The following GORAB variants were observed in gnomAD, a reference collection of about 807,000 sequenced individuals.
GORAB encodes golgin, RAB6 interacting.
Under a neutral mutation model 29.9 loss-of-function variants are expected in GORAB, and 17 were observed. That is an observed-to-expected ratio of 0.57 (90% CI 0.39 to 0.85). The LOEUF (loss-of-function observed/expected upper bound fraction) is 0.85, where lower values mean the gene tolerates loss of function less well. Among genes scored for constraint, GORAB ranks in the 40% least tolerant of loss-of-function variants. The pLI is 0.00. For synonymous variants in GORAB, 183 were observed against 157.2 expected (o/e 1.16, Z -1.23); for missense variants, 442 against 437.8 (o/e 1.01, Z -0.09).
intron 3 of GORAB, 159 bp from the exon 4 acceptor site, chr1:170,544,546 A>G (rs1649635685): frequency 1.8e-6 from 1 of 556,192 alleles, no homozygotes; most frequent in Admixed American, 3.3e-5. Flanking sequence ...TCAAATGTTA[A>G]CCAGCTTTTA....
chr1:170,545,268 C>G, intron 4 of GORAB: 2 of 986,384 alleles, frequency 2.0e-6, no homozygotes, highest in Non-Finnish European at 2.4e-6. Context: ...GGATTGAAGT[C>G]TAGTCCTCAC....
At chr1:170,537,879 C>G (rs1367752407) in intron 1 of GORAB, among the ~76,000 whole-genome samples, 1 of 152,056 alleles carries the variant, frequency 6.6e-6, no homozygotes, top group Non-Finnish European at 1.5e-5. Flanking sequence ...AAGTTACTAC[C>G]TGAATTTCAG....
At chr1:170,533,159 G>C (rs1281574400) in intron 1 of GORAB, among the ~76,000 whole-genome samples, 3 of 152,210 alleles carry the variant, frequency 2.0e-5, no homozygotes, top group African/African-American at 7.2e-5. Flanking sequence ...TATTTTGGTA[G>C]CAAATGAAGT....
intron 2 of GORAB, 146 bp downstream of exon 2, chr1:170,539,713 T>A (rs1216683167): frequency 1.2e-5 from 10 of 844,220 alleles, no homozygotes; most frequent in Non-Finnish European, 1.8e-5. Flanking sequence ...TATAAACTAT[T>A]GAAAAATAGC....
At chr1:170,550,406 G>A (rs1393839168) in intron 4 of GORAB, among the ~76,000 whole-genome samples, 1 of 152,214 alleles carries the variant, frequency 6.6e-6, no homozygotes, top group East Asian at 1.9e-4. Context: ...AAGCTGAAAT[G>A]AGAGAAAATG....
chr1:170,546,735 A>G (rs1160096617), intron 4 of GORAB, among the ~76,000 whole-genome samples: 2 of 151,988 alleles, frequency 1.3e-5, no homozygotes, highest in East Asian at 1.9e-4. Context: ...CCCAGGCTGG[A>G]GTGCAGTGGT....
chr1:170,551,194 A>G (rs1650083726), intron 4 of GORAB, among the ~76,000 whole-genome samples: 1 of 152,196 alleles, frequency 6.6e-6, no homozygotes, highest in African/African-American at 2.4e-5. Flanking sequence ...TGGTTGTCAT[A>G]AATTTTGGGA....
At chr1:170,532,425 G>A in intron 1 of GORAB, 141 bp downstream of exon 1, 2 of 902,214 alleles carry the variant, frequency 2.2e-6, no homozygotes, top group East Asian at 2.4e-5. Context: ...GACTGGATTA[G>A]GGGGTTTCAG....
At chr1:170,549,578 A>G (rs142128325) in intron 4 of GORAB, among the ~76,000 whole-genome samples, 96 of 152,286 alleles carry the variant, frequency 6.3e-4, no homozygotes, top group African/African-American at 2.2e-3. Context: ...AGGCAGGGTC[A>G]GGGCAGGGTA....
In GORAB at chr1:170,553,466, T is replaced by G; in HGVS notation, c.*1004T>G. 1 of 435,060 alleles carries G rather than the reference T, an allele frequency of 2.3e-6. No homozygotes were observed. 26.9% of individuals were successfully genotyped at this position (435,060 alleles called of 1,614,324 possible). ...CACAAAGTCTGTGAATATCACATTATGATTTATTTATCAGAAATTCCAAAA... is the reference window on the plus strand; with the variant it reads ...CACAAAGTCTGTGAATATCACATTAGGATTTATTTATCAGAAATTCCAAAA... On this transcript the variant is annotated 3_prime_UTR_variant, in exon 5 of 5. Transcript: ENST00000367763.
intron 2 of GORAB, 119 bp downstream of exon 2, chr1:170,539,686 A>G (rs960573553): frequency 5.0e-5 from 53 of 1,064,772 alleles, no homozygotes; most frequent in African/African-American, 3.7e-4. Context: ...TATTCATTCA[A>G]TCATAGGAAT....
At chr1:170,532,874 A>G (rs1648791892) in intron 1 of GORAB, among the ~76,000 whole-genome samples, 1 of 152,220 alleles carries the variant, frequency 6.6e-6, no homozygotes. Context: ...TGAAGACTTT[A>G]TATGTTTATA....
At chr1:170,544,906 T>C in intron 4 of GORAB, 61 bp downstream of exon 4, 1 of 1,577,996 alleles carries the variant, frequency 6.3e-7, no homozygotes, top group Non-Finnish European at 8.7e-7. Flanking sequence ...TATTGCCAGC[T>C]GTTCCAGGGG....
At chr1:170,544,109 A>C (rs945362411) in intron 3 of GORAB, among the ~76,000 whole-genome samples, 5 of 152,152 alleles carry the variant, frequency 3.3e-5, no homozygotes, top group African/African-American at 1.2e-4. Context: ...ATGAGGTTGG[A>C]TGTGCTTTTA....
At chr1:170,551,950 A>G in intron 4 of GORAB, 65 bp from the exon 5 acceptor site, 1 of 1,385,872 alleles carries the variant, frequency 7.2e-7, no homozygotes, top group Non-Finnish European at 1.0e-6. Flanking sequence ...TTGTTTCTAG[A>G]TCCTCTTTTG....
chr1:170,547,062 G>C (rs1405699937), intron 4 of GORAB, among the ~76,000 whole-genome samples: 2 of 152,176 alleles, frequency 1.3e-5, no homozygotes, highest in African/African-American at 2.4e-5. Flanking sequence ...TAGAACCGTA[G>C]TGTGTCTTGT....
At chr1:170,543,391 A>G (rs893741215) in intron 3 of GORAB, among the ~76,000 whole-genome samples, 26 of 152,206 alleles carry the variant, frequency 1.7e-4, no homozygotes, top group Non-Finnish European at 3.4e-4. Flanking sequence ...AAGTCTGTCA[A>G]ACTGTTACTG....
chr1:170,540,546 AGAAATCATTTTG>A (rs1649351063), intron 2 of GORAB, among the ~76,000 whole-genome samples: 1 of 152,176 alleles, frequency 6.6e-6, no homozygotes, highest in South Asian at 2.1e-4. Context: ...TTTACAACTA[AGAAATCATTTTG>A]ACAAGAGTTA....
chr1:170,546,385 G>A (rs1057411223), intron 4 of GORAB, among the ~76,000 whole-genome samples: 4 of 150,270 alleles, frequency 2.7e-5, no homozygotes, highest in Non-Finnish European at 4.4e-5. Flanking sequence ...GCGAGACTCC[G>A]TCTCAAAAAA....
Sources: allele counts gnomAD v4.1 joint callset (sites outside exome capture counted in the v4.1 genomes callset), GRCh38; gene constraint gnomAD v4.1.1; transcripts MANE v1.5; gene names NCBI Gene and HGNC (gene_info 2026-07-23, HGNC 2026-07-21).